The following KCNIP4 variants were observed in gnomAD, a reference collection of about 807,000 sequenced individuals.
The protein encoded by KCNIP4 is Kv channel-interacting protein 4.
Under a neutral mutation model 34.0 loss-of-function variants are expected in KCNIP4, and 12 were observed. The observed-to-expected ratio is 0.35, with a 90% CI of 0.23 to 0.57. The LOEUF is 0.57. KCNIP4 is among the 20% of genes least tolerant of loss of function. KCNIP4 has a pLI of 0.83. For missense variants in KCNIP4, 238 were observed against 311.7 expected (o/e 0.76, Z 1.78); for synonymous variants, 124 against 102.2 (o/e 1.21, Z -1.29).
At chr4:21,108,003 C>A (rs181941778) in intron 1 of KCNIP4, among the ~76,000 whole-genome samples, 20,551 of 150,502 alleles carry the variant, frequency 0.14, 1,604 homozygotes, top group South Asian at 0.19. Flanking sequence ...TTGTGGGTAA[C>A]CCGACCCTTT....
chr4:21,569,959 TG>T (rs1319246231), intron 1 of KCNIP4, among the ~76,000 whole-genome samples: 2 of 151,948 alleles, frequency 1.3e-5, no homozygotes, highest in East Asian at 3.9e-4. Context: ...GTTGGGAGAA[TG>T]GGGGTGGGCT....
chr4:21,700,392 T>G (rs113628082), intron 1 of KCNIP4, among the ~76,000 whole-genome samples: 4,024 of 152,278 alleles, frequency 0.026, 160 homozygotes, highest in African/African-American at 0.09. Context: ...CTTCTTTTGA[T>G]AAACGCCTGT....
intron 1 of KCNIP4, among the ~76,000 whole-genome samples, chr4:21,057,676 T>C (rs1021480905): frequency 2.6e-5 from 4 of 152,198 alleles, no homozygotes; most frequent in African/African-American, 9.6e-5. Context: ...AAATAACACA[T>C]AGCACAGTGG....
chr4:20,906,369 C>T (rs542817298), intron 1 of KCNIP4, among the ~76,000 whole-genome samples: 1 of 152,278 alleles, frequency 6.6e-6, no homozygotes, highest in South Asian at 2.1e-4. Flanking sequence ...AGTATTATAA[C>T]TGGTTATGCA....
At chr4:21,624,689 T>C (rs943939789) in intron 1 of KCNIP4, among the ~76,000 whole-genome samples, 1 of 152,110 alleles carries the variant, frequency 6.6e-6, no homozygotes, top group African/African-American at 2.4e-5. Context: ...TAAATAGCTC[T>C]GTCAAATAAA....
chr4:21,125,796 G>T (rs1409954377), intron 1 of KCNIP4, among the ~76,000 whole-genome samples: 1 of 152,104 alleles, frequency 6.6e-6, no homozygotes, highest in African/African-American at 2.4e-5. Context: ...TAAGGGTGAA[G>T]TAAAAAGGGT....
chr4:21,183,657 ACAG>A (rs1261344191), intron 1 of KCNIP4, among the ~76,000 whole-genome samples: 1 of 151,874 alleles, frequency 6.6e-6, no homozygotes, highest in African/African-American at 2.4e-5. Flanking sequence ...CTTTTTGATA[ACAG>A]CCATTCTAAC....
chr4:21,520,993 G>T (rs566805203), intron 1 of KCNIP4, among the ~76,000 whole-genome samples: 66 of 152,186 alleles, frequency 4.3e-4, no homozygotes, highest in Non-Finnish European at 7.2e-4. Flanking sequence ...TTGAAGCATA[G>T]AATTGGGCAT....
chr4:21,676,482 T>C (rs1419504243), intron 1 of KCNIP4, among the ~76,000 whole-genome samples: 1 of 152,180 alleles, frequency 6.6e-6, no homozygotes, highest in African/African-American at 2.4e-5. Flanking sequence ...AGATCCTACT[T>C]TCCTCCCATT....
At chr4:20,951,571 C>T (rs1389001899) in intron 1 of KCNIP4, among the ~76,000 whole-genome samples, 1 of 152,154 alleles carries the variant, frequency 6.6e-6, no homozygotes, top group Non-Finnish European at 1.5e-5. Context: ...GCTATTCCCC[C>T]TCCCCACACA....
chr4:20,965,210 C>G (rs780899934), intron 1 of KCNIP4, among the ~76,000 whole-genome samples: 2 of 152,136 alleles, frequency 1.3e-5, no homozygotes, highest in Non-Finnish European at 2.9e-5. Context: ...ACTGTCTATC[C>G]TATATTCCTG....
At chr4:21,860,185 G>A (rs7663361) in intron 1 of KCNIP4, among the ~76,000 whole-genome samples, 21,955 of 152,160 alleles carry the variant, frequency 0.14, 1,795 homozygotes, top group African/African-American at 0.23. Context: ...CCAGGCTGGA[G>A]TGCAGTGGCA....
At chr4:21,433,408 C>G (rs569287449) in intron 1 of KCNIP4, among the ~76,000 whole-genome samples, 28 of 152,132 alleles carry the variant, frequency 1.8e-4, no homozygotes, top group Non-Finnish European at 4.0e-4. Flanking sequence ...TCGAGGCCAG[C>G]CTGGGCAAAA....
chr4:21,106,417 T>C (rs1199939258), intron 1 of KCNIP4, among the ~76,000 whole-genome samples: 1 of 151,756 alleles, frequency 6.6e-6, no homozygotes, highest in Non-Finnish European at 1.5e-5. Flanking sequence ...GATGGTAGTT[T>C]GTATTTCTGT....
intron 1 of KCNIP4, among the ~76,000 whole-genome samples, chr4:21,808,438 T>C (rs923378046): frequency 2.6e-5 from 4 of 152,198 alleles, no homozygotes; most frequent in Non-Finnish European, 5.9e-5. Context: ...TATTATTTTA[T>C]GATCATCTTA....
chr4:21,584,754 T>C (rs554292793), intron 1 of KCNIP4, among the ~76,000 whole-genome samples: 4 of 152,142 alleles, frequency 2.6e-5, no homozygotes, highest in African/African-American at 9.6e-5. Flanking sequence ...CACTACACTT[T>C]AGTGCTGGAA....
At chr4:21,410,459 G>T (rs970331539) in intron 1 of KCNIP4, among the ~76,000 whole-genome samples, 1 of 152,118 alleles carries the variant, frequency 6.6e-6, no homozygotes, top group Non-Finnish European at 1.5e-5. Flanking sequence ...TGTCTCTGGG[G>T]GAAGCCAGCT....
intron 1 of KCNIP4, among the ~76,000 whole-genome samples, chr4:21,880,702 T>G (rs1003985056): frequency 6.6e-6 from 1 of 152,224 alleles, no homozygotes; most frequent in Non-Finnish European, 1.5e-5. Flanking sequence ...TATTCCAATC[T>G]TGTAGTAGCT....
chr4:20,864,858 A>C (rs756639722), intron 2 of KCNIP4, among the ~76,000 whole-genome samples: 1 of 152,134 alleles, frequency 6.6e-6, no homozygotes, highest in Non-Finnish European at 1.5e-5. Context: ...TTCCTACTGC[A>C]GCACTTTGTC....
Sources: allele counts gnomAD v4.1 joint callset (sites outside exome capture counted in the v4.1 genomes callset), GRCh38; gene constraint gnomAD v4.1.1; transcripts MANE v1.5; gene names NCBI Gene and HGNC (gene_info 2026-07-23, HGNC 2026-07-21).